JAKMIP3: variants seen among roughly 807,000 people sequenced by gnomAD.
JAKMIP3 encodes the protein Janus kinase and microtubule interacting protein 3, also known as janus kinase and microtubule-interacting protein 3.
In JAKMIP3, 58 loss-of-function variants were observed where a neutral mutation model predicts 118.5. The observed-to-expected ratio is 0.49, with a 90% CI of 0.40 to 0.61. The LOEUF (loss-of-function observed/expected upper bound fraction) is 0.61, where lower values mean the gene tolerates loss of function less well. JAKMIP3 is among the 20% of genes least tolerant of loss of function. The pLI is 0.00. For synonymous variants in JAKMIP3, 486 were observed against 451.2 expected (o/e 1.08, Z -0.98); for missense variants, 950 against 1,109.0 (o/e 0.86, Z 2.04).
At chr10:132,137,352 C>G in intron 8 of JAKMIP3, 63 bp downstream of exon 8, 1 of 1,588,232 alleles carries the variant, frequency 6.3e-7, no homozygotes. Context: ...CCGTGGGACC[C>G]ATTCTGTGCC....
chr10:132,162,155 G>T (rs2058420548), intron 19 of JAKMIP3, among the ~76,000 whole-genome samples: 1 of 152,294 alleles, frequency 6.6e-6, no homozygotes, highest in Non-Finnish European at 1.5e-5. Context: ...GCAAGGAGGG[G>T]AATGACTGGT....
chr10:132,097,574 C>CA (rs1199010402), intron 1 of JAKMIP3, among the ~76,000 whole-genome samples: 2 of 152,006 alleles, frequency 1.3e-5, no homozygotes, highest in East Asian at 3.9e-4. Context: ...GTGAATGTGA[C>CA]AATAACAGGG....
At chr10:132,103,971 A>G (rs1374539704) in intron 1 of JAKMIP3, among the ~76,000 whole-genome samples, 1 of 152,208 alleles carries the variant, frequency 6.6e-6, no homozygotes, top group Non-Finnish European at 1.5e-5. Context: ...ACGTGAAATC[A>G]TGCGGCATTT....
At chr10:132,114,798 G>A (rs2047378193) in intron 2 of JAKMIP3, among the ~76,000 whole-genome samples, 1 of 152,082 alleles carries the variant, frequency 6.6e-6, no homozygotes, top group Non-Finnish European at 1.5e-5. Flanking sequence ...GTAGTTTTCA[G>A]CACCGAGGTC....
rs372498907 is a variant in JAKMIP3, at chr10:132,118,361, A to G, written c.633+787A>G. On this transcript the variant is annotated intron_variant, in intron 3 of 23. Coordinates refer to ENST00000684848, the MANE Select transcript of JAKMIP3 (RefSeq NM_001323087.2). This position sits in a 1 kb window ranked among gnomAD's most constrained non-coding sequence, Gnocchi z 4.8. ...ATGCCCCTTGTCCTTTGGAGAGGAG[A>G]CTGTCCTGTGATTTTGGGGGAAATG... 5.3e-5 allele frequency among the ~76,000 whole-genome samples: 8 copies of G among 152,224 alleles called. No individual in the cohort carries two copies. Among genetic ancestry groups the G allele is most frequent in the African/African-American group, 1.9e-4 (8 of 41,528 alleles).
At chr10:132,047,518 T>C (rs1189818713) in intron 1 of JAKMIP3, among the ~76,000 whole-genome samples, 1 of 152,208 alleles carries the variant, frequency 6.6e-6, no homozygotes, top group Non-Finnish European at 1.5e-5. Flanking sequence ...ACAGCCACAG[T>C]GCATTTGCCA....
At chr10:132,094,473 C>T (rs1348418924) in intron 1 of JAKMIP3, among the ~76,000 whole-genome samples, 1 of 152,070 alleles carries the variant, frequency 6.6e-6, no homozygotes, top group African/African-American at 2.4e-5. Context: ...GGGCTCTGCT[C>T]CTTTTCCTAT....
At chr10:132,108,976 T>TACGCAAATGTATATATAAATTATAC (rs1554933533) in intron 2 of JAKMIP3, among the ~76,000 whole-genome samples, 2 of 130,156 alleles carry the variant, frequency 1.5e-5, no homozygotes, top group African/African-American at 3.3e-5. Context: ...ATAAATTATA[T>TACGCAAATGTATATATAAATTATAC]ACGCAAATGT....
intron 1 of JAKMIP3, among the ~76,000 whole-genome samples, chr10:132,054,161 A>G (rs1464391784): frequency 6.6e-6 from 1 of 152,108 alleles, no homozygotes; most frequent in East Asian, 1.9e-4. Context: ...CTTTGCATGA[A>G]CTTGGAAGAG....
At chr10:132,055,896 C>T (rs939146112) in intron 1 of JAKMIP3, among the ~76,000 whole-genome samples, 3 of 152,164 alleles carry the variant, frequency 2.0e-5, no homozygotes, top group Non-Finnish European at 4.4e-5. Flanking sequence ...AAGTCTTGTT[C>T]AGATATTCTG....
At chr10:132,094,875 G>T (rs922086571) in intron 1 of JAKMIP3, among the ~76,000 whole-genome samples, 11 of 152,248 alleles carry the variant, frequency 7.2e-5, no homozygotes, top group Admixed American at 2.6e-4. Flanking sequence ...CAGTGTCTGA[G>T]CTCAGACTCT....
At chr10:132,090,364 A>G (rs1010706822) in intron 1 of JAKMIP3, among the ~76,000 whole-genome samples, 135 of 152,246 alleles carry the variant, frequency 8.9e-4, no homozygotes, top group Non-Finnish European at 1.1e-3. Context: ...TTGGTAAGCT[A>G]TTAATTATTG....
At chr10:132,154,096 G>T (rs569802795) in intron 19 of JAKMIP3, 106 bp downstream of exon 19, 4 of 944,096 alleles carry the variant, frequency 4.2e-6, no homozygotes, top group Admixed American at 4.1e-5. Flanking sequence ...GGGCCAGGTC[G>T]CAGGGCCCCT....
intron 11 of JAKMIP3, among the ~76,000 whole-genome samples, chr10:132,142,590 A>G (rs12247044): frequency 0.48 from 72,987 of 152,096 alleles, 18,766 homozygotes; most frequent in African/African-American, 0.66. Flanking sequence ...CCCCCAGGAA[A>G]GGCCTCAGTG....
chr10:132,145,674 C>G, intron 13 of JAKMIP3, 94 bp downstream of exon 13: 1 of 1,048,396 alleles, frequency 9.5e-7, no homozygotes, highest in Non-Finnish European at 1.4e-6. Flanking sequence ...GGAGCGAGGG[C>G]TGAGGCTTCT....
intron 23 of JAKMIP3, among the ~76,000 whole-genome samples, chr10:132,176,014 C>T (rs2060106521): frequency 6.6e-6 from 1 of 152,232 alleles, no homozygotes; most frequent in Non-Finnish European, 1.5e-5. Flanking sequence ...GGGAAGCGCC[C>T]CTCCCTGAGT....
chr10:132,164,414 T>C (rs1434941432), intron 20 of JAKMIP3, among the ~76,000 whole-genome samples: 1 of 152,260 alleles, frequency 6.6e-6, no homozygotes, highest in Non-Finnish European at 1.5e-5. Flanking sequence ...TGTCAGGCGT[T>C]GTGCTTTCTG....
intron 1 of JAKMIP3, among the ~76,000 whole-genome samples, chr10:132,082,751 C>T (rs933291625): frequency 2.6e-5 from 4 of 152,146 alleles, no homozygotes; most frequent in South Asian, 2.1e-4. Context: ...GCTGGGACTA[C>T]AGGCGCCTGC....
chr10:132,120,698 G>T (rs1201701607), intron 3 of JAKMIP3, among the ~76,000 whole-genome samples: 1 of 152,202 alleles, frequency 6.6e-6, no homozygotes, highest in African/African-American at 2.4e-5. Context: ...CAGCCACCGG[G>T]ACCCTTTCTT....
Sources: allele counts gnomAD v4.1 joint callset (sites outside exome capture counted in the v4.1 genomes callset), GRCh38; gene constraint gnomAD v4.1.1; non-coding constraint Gnocchi (gnomAD v3.1); transcripts MANE v1.5; gene names NCBI Gene and HGNC (gene_info 2026-07-23, HGNC 2026-07-21).